Variants in CTNNB1 observed in about 807,000 individuals in gnomAD.
The protein encoded by CTNNB1 is catenin beta 1, also known as catenin beta-1.
In CTNNB1, 6 loss-of-function variants were observed where a neutral mutation model predicts 82.5. That is an observed-to-expected ratio of 0.07 (90% CI 0.04 to 0.14). The LOEUF is 0.14. Among genes scored for constraint, CTNNB1 ranks in the 10% least tolerant of loss-of-function variants. CTNNB1 has a pLI of 1.00. For missense variants in CTNNB1, 529 were observed against 980.4 expected (o/e 0.54, Z 6.15); for synonymous variants, 312 against 329.7 (o/e 0.95, Z 0.58).
rs34653633 is a variant in CTNNB1, at chr3:41,239,921, ATTTT to A, written c.*595_*598del. 1.4e-4 allele frequency: 23 copies of A among 158,856 alleles called. No individual in the cohort carries two copies. Among genetic ancestry groups the A allele is most frequent in the Middle Eastern group, 2.4e-3 (1 of 418 alleles). 9.8% of individuals were successfully genotyped at this position (158,856 alleles called of 1,614,324 possible). A position where few individuals can be genotyped will look rare whatever the true frequency, so the allele number is the denominator to read the frequency against. ...ATCAAACCCTAGCCTTGCTTGTTAA[ATTTT>A]TTTTTTTTTTTTTTTAAGAATATCT... On this transcript the variant is annotated 3_prime_UTR_variant, in exon 15 of 15. Transcript: ENST00000349496.
chr3:41,229,177 TGGCTATTCA>T (rs1170017103), intron 7 of CTNNB1, among the ~76,000 whole-genome samples: 1 of 152,222 alleles, frequency 6.6e-6, no homozygotes, highest in Non-Finnish European at 1.5e-5. Flanking sequence ...AGGATTGCCT[TGGCTATTCA>T]GGCTCTTTTT....
intron 10 of CTNNB1, 31 bp from the exon 11 acceptor site, chr3:41,235,693 C>T (rs757777283): frequency 4.3e-6 from 7 of 1,613,830 alleles, no homozygotes; most frequent in Non-Finnish European, 5.9e-6. Flanking sequence ...GAGGAGAATG[C>T]CCTGTTTGTT....
chr3:41,214,675 T>C (rs942419612), intron 1 of CTNNB1, among the ~76,000 whole-genome samples: 2 of 152,192 alleles, frequency 1.3e-5, no homozygotes, highest in African/African-American at 2.4e-5. Flanking sequence ...TACACCTGCC[T>C]TTGTTCTCAG....
intron 10 of CTNNB1, 178 bp from the exon 11 acceptor site, chr3:41,235,546 C>A: frequency 1.4e-6 from 1 of 735,800 alleles, no homozygotes; most frequent in Non-Finnish European, 2.3e-6. Flanking sequence ...TGAATTAGTG[C>A]TGCCAGGAGG....
Position 41,225,973 on chromosome 3 carries a change from A to G in CTNNB1, c.936+112A>G, listed in dbSNP as rs778375896. 4.1e-6 allele frequency: 4 copies of G among 977,140 alleles called. No individual in the cohort carries two copies. The highest frequency in any genetic ancestry group is 6.3e-6 in the Non-Finnish European group (4 of 630,198). The allele number at this position is 977,140 out of a possible 1,614,324, so 60.5% of individuals were successfully genotyped here. Reference sequence around the variant, plus strand: ...TGGCACCAGGGACCAGTTTCGTGGAAAACAGTTTTTCCATGAATGGGTTGT... The same window carrying G: ...TGGCACCAGGGACCAGTTTCGTGGAGAACAGTTTTTCCATGAATGGGTTGT... On this transcript the variant is annotated intron_variant, in intron 6 of 14. Coordinates refer to ENST00000349496, the MANE Select transcript of CTNNB1 (RefSeq NM_001904.4). The surrounding 1 kb of genome is among the most constrained non-coding windows in gnomAD (Gnocchi z 5.3).
chr3:41,222,943 A>T (rs1021615790), intron 1 of CTNNB1, among the ~76,000 whole-genome samples: 1 of 152,146 alleles, frequency 6.6e-6, no homozygotes. Flanking sequence ...CAAAAGATAG[A>T]AACTAAGGCC....
chr3:41,236,762 C>A, intron 13 of CTNNB1, 53 bp downstream of exon 13: 1 of 1,611,062 alleles, frequency 6.2e-7, no homozygotes, highest in South Asian at 1.1e-5. Flanking sequence ...GCAGGTATGG[C>A]AGCTTGTTCT....
Position 41,236,622 on chromosome 3 carries a change from T to C in CTNNB1, c.1989T>C (p.Ser663=), listed in dbSNP as rs772736620. 2 of 1,614,046 alleles carry C rather than the reference T, an allele frequency of 1.2e-6. No homozygotes were observed. Among genetic ancestry groups the C allele is most frequent in the African/African-American group, 2.7e-5 (2 of 74,920 alleles). Residue 663 remains serine (S), a synonymous_variant, in exon 13 of 15, where the codon TCT becomes TCC. Transcript: ENST00000349496. ...TYAAAVLFRM[S]EDKPQDYKKR... ...CAGCTGCTGTTTTGTTCCGAATGTC[T>C]GAGGACAAGCCACAAGATTACAAGA...
intron 9 of CTNNB1, 83 bp from the exon 10 acceptor site, chr3:41,234,056 C>T: frequency 6.4e-6 from 10 of 1,567,818 alleles, no homozygotes; most frequent in Non-Finnish European, 8.8e-6. Flanking sequence ...TAGTTGATAC[C>T]AATAGATTTA....
chr3:41,206,849 C>T (rs1032686909), intron 1 of CTNNB1, among the ~76,000 whole-genome samples: 1 of 152,088 alleles, frequency 6.6e-6, no homozygotes, highest in Non-Finnish European at 1.5e-5. Context: ...CCTTAAATTC[C>T]TTTCTGAGCC....
intron 14 of CTNNB1, among the ~76,000 whole-genome samples, chr3:41,238,808 GCTT>G (rs1273543906): frequency 1.3e-5 from 2 of 152,126 alleles, no homozygotes; most frequent in East Asian, 1.9e-4. Flanking sequence ...GTAGATTCCT[GCTT>G]CTTCTCCTCG....
At chr3:41,220,941 A>G (rs2078033857) in intron 1 of CTNNB1, 1 of 152,220 alleles carries the variant, frequency 6.6e-6, no homozygotes, top group Admixed American at 6.5e-5. Flanking sequence ...GATTTCTCCC[A>G]TTGACTTTGA....
intron 1 of CTNNB1, among the ~76,000 whole-genome samples, chr3:41,214,239 C>T (rs1013589068): frequency 6.6e-6 from 1 of 152,068 alleles, no homozygotes; most frequent in African/African-American, 2.4e-5. Context: ...AATACAATGC[C>T]AGGGCCCTTC....
chr3:41,232,496 C>T (rs1371873361), intron 7 of CTNNB1, among the ~76,000 whole-genome samples: 2 of 151,716 alleles, frequency 1.3e-5, no homozygotes, highest in Non-Finnish European at 2.9e-5. Context: ...AAAACAGACC[C>T]GAAAGATGAA....
At chr3:41,202,596 C>T (rs973531737) in intron 1 of CTNNB1, among the ~76,000 whole-genome samples, 1 of 152,168 alleles carries the variant, frequency 6.6e-6, no homozygotes, top group Non-Finnish European at 1.5e-5. Flanking sequence ...CGTATGTAGC[C>T]ATTGCCTCCT....
In CTNNB1 at chr3:41,234,258, G is replaced by T; in HGVS notation, c.1644G>T (p.Gln548His). Residue 548 changes from glutamine (Q) to histidine (H), a missense_variant, in exon 10 of 15, where the codon CAG becomes CAT. Gln to His is a conservative substitution (Grantham distance 24). Around this residue, in one of 4 missense-constraint regions of CTNNB1, gnomAD observed 411 missense variants for 776.4 expected, o/e 0.53. Transcript: ENST00000349496. ...TTGTTCGTGCACATCAGGATACCCAGCGCCGTACGTCCATGGGTGGGACAC... is the reference window on the plus strand; with the variant it reads ...TTGTTCGTGCACATCAGGATACCCATCGCCGTACGTCCATGGGTGGGACAC... ...QLLVRAHQDTQRRTSMGGTQQ... is the reference protein window; with the variant it reads ...QLLVRAHQDTHRRTSMGGTQQ... The T allele has an allele frequency of 6.2e-7, 1 of 1,614,202 alleles. No individual in the cohort carries two copies. Among genetic ancestry groups the T allele is most frequent in the Non-Finnish European group, 8.5e-7 (1 of 1,180,030 alleles).
chr3:41,228,335 A>G (rs2078226239), intron 7 of CTNNB1, among the ~76,000 whole-genome samples: 1 of 152,224 alleles, frequency 6.6e-6, no homozygotes, highest in Admixed American at 6.5e-5. Flanking sequence ...CTTTCCCACC[A>G]GCAGTGTATA....
chr3:41,237,199 A>G, intron 13 of CTNNB1: 1 of 185,308 alleles, frequency 5.4e-6, no homozygotes, highest in Non-Finnish European at 1.1e-5. Context: ...GAGATCATTG[A>G]TGGTACACAG....
In CTNNB1 at chr3:41,239,405, C is replaced by CAG; in HGVS notation, c.*65_*66dup. 1.4e-6 allele frequency: 2 copies of CAG among 1,430,082 alleles called. No individual in the cohort carries two copies. The highest frequency in any genetic ancestry group is 1.9e-6 in the Non-Finnish European group (2 of 1,033,758). 88.6% of individuals were successfully genotyped at this position (1,430,082 alleles called of 1,614,324 possible). On this transcript the variant is annotated 3_prime_UTR_variant, in exon 15 of 15. Transcript: ENST00000349496. The stretch of plus-strand genomic sequence containing the variant: ...GGGTAAAATACTTTTACTCTGCCTA[C>CAG]AGAACTTCAGAAAGACTTGGTTGGT...
Sources: gnomAD v4.1 joint callset for allele counts (sites outside exome capture counted in the v4.1 genomes callset) on GRCh38, gnomAD v4.1.1 for gene constraint, gnomAD v4.1.1 regional missense constraint, Gnocchi (gnomAD v3.1) non-coding constraint, MANE v1.5 for transcripts, NCBI Gene and HGNC (gene_info 2026-07-23, HGNC 2026-07-21) for gene names.